Variants in MAN2A1 observed in about 807,000 individuals in gnomAD.
The protein encoded by MAN2A1 is alpha-mannosidase 2.
In MAN2A1, 76 loss-of-function variants were observed where a neutral mutation model predicts 142.6. The ratio of observed to expected loss-of-function variants is 0.53; its 90% CI spans 0.44 to 0.65. MAN2A1 has a LOEUF of 0.65. MAN2A1 is among the 30% of genes least tolerant of loss of function. MAN2A1 has a pLI of 0.00. For synonymous variants in MAN2A1, 559 were observed against 473.2 expected, an observed-to-expected ratio of 1.18 and a Z score of -2.35; for missense variants, 1,311 against 1,365.1, an observed-to-expected ratio of 0.96 and a Z score of 0.62.
At chr5:109,785,890 G>A (rs758626391) in intron 10 of MAN2A1, among the ~76,000 whole-genome samples, 12 of 152,010 alleles carry the variant, frequency 7.9e-5, no homozygotes, top group Non-Finnish European at 1.5e-4. Context: ...AATATCCTTA[G>A]TACTACTCCT....
chr5:109,795,159 T>C (rs1328271547), intron 12 of MAN2A1, among the ~76,000 whole-genome samples: 1 of 152,132 alleles, frequency 6.6e-6, no homozygotes, highest in Non-Finnish European at 1.5e-5. Context: ...AAAATAATCT[T>C]ATTTGGTGTT....
chr5:109,844,782 A>G (rs992329120), intron 17 of MAN2A1, among the ~76,000 whole-genome samples: 14 of 152,156 alleles, frequency 9.2e-5, no homozygotes, highest in African/African-American at 3.4e-4. Flanking sequence ...TGCCTCTTGT[A>G]TCTGTCTGTC....
At chr5:109,783,588 T>G (rs1753516822) in intron 9 of MAN2A1, among the ~76,000 whole-genome samples, 1 of 152,164 alleles carries the variant, frequency 6.6e-6, no homozygotes, top group Admixed American at 6.5e-5. Context: ...GAGAAATGCA[T>G]CATTTTACAA....
At chr5:109,734,488 G>A (rs1240059173) in intron 4 of MAN2A1, among the ~76,000 whole-genome samples, 2 of 152,110 alleles carry the variant, frequency 1.3e-5, no homozygotes, top group African/African-American at 4.8e-5. Flanking sequence ...GATCTTTCCT[G>A]CTGTCTCTTG....
At chr5:109,856,208 A>G (rs1228320554) in intron 20 of MAN2A1, among the ~76,000 whole-genome samples, 1 of 152,192 alleles carries the variant, frequency 6.6e-6, no homozygotes, top group Non-Finnish European at 1.5e-5. Context: ...TTTAGTTGAG[A>G]CAATTTTGAA....
intron 4 of MAN2A1, among the ~76,000 whole-genome samples, chr5:109,730,493 G>T (rs1201816846): frequency 6.6e-6 from 1 of 151,526 alleles, no homozygotes; most frequent in Non-Finnish European, 1.5e-5. Flanking sequence ...CAATCTAGAG[G>T]TCAAATAAAT....
In MAN2A1 at chr5:109,847,691, G is replaced by A. The variant is rs1159495762; in HGVS notation, c.2877G>A (p.Met959Ile). The A allele has an allele frequency of 6.3e-7, 1 of 1,594,814 alleles. No homozygotes were observed. Among genetic ancestry groups the A allele is most frequent in the South Asian group, 1.1e-5 (1 of 87,752 alleles). Residue 959 changes from methionine to isoleucine, a missense_variant, in exon 19 of 22, where the codon ATG becomes ATA. Transcript: ENST00000261483. ...AAGTTATCATGGATCGAAGACTCAT[G>A]CAAGATGATAATCGTGGCCTTGAGC... ...QIEVIMDRRLMQDDNRGLEQG... is the reference protein window; with the variant it reads ...QIEVIMDRRLIQDDNRGLEQG...
chr5:109,736,270 A>G (rs980984722), intron 4 of MAN2A1, among the ~76,000 whole-genome samples: 1 of 152,222 alleles, frequency 6.6e-6, no homozygotes, highest in East Asian at 1.9e-4. Context: ...TAGATACACT[A>G]GTTTGCAACC....
chr5:109,831,122 T>G (rs1754895172), intron 16 of MAN2A1, among the ~76,000 whole-genome samples: 1 of 152,230 alleles, frequency 6.6e-6, no homozygotes, highest in Non-Finnish European at 1.5e-5. Context: ...TTAGCAGCTG[T>G]TTGACCTTGC....
chr5:109,862,351 A>T (rs1300628797), intron 20 of MAN2A1: 1 of 152,136 alleles, frequency 6.6e-6, no homozygotes, highest in Admixed American at 6.5e-5. Context: ...CTATGAGCTG[A>T]ATGTTGGTTT....
chr5:109,854,550 G>C (rs1310315321), intron 19 of MAN2A1: 3 of 152,106 alleles, frequency 2.0e-5, no homozygotes, highest in Middle Eastern at 3.2e-3. Flanking sequence ...AGATGATCTA[G>C]GCATGCCGCC....
At chr5:109,726,231 C>T (rs1751740828) in intron 3 of MAN2A1, among the ~76,000 whole-genome samples, 1 of 152,246 alleles carries the variant, frequency 6.6e-6, no homozygotes, top group East Asian at 1.9e-4. Flanking sequence ...CATGAAAATT[C>T]ATCCCCTACC....
chr5:109,708,767 G>A (rs111402477), intron 1 of MAN2A1, among the ~76,000 whole-genome samples: 2,800 of 152,272 alleles, frequency 0.018, 33 homozygotes, highest in Middle Eastern at 0.071. Flanking sequence ...GGAGTCTAAA[G>A]GCTGGAGAAC....
chr5:109,840,533 G>T, intron 16 of MAN2A1: 1 of 506,866 alleles, frequency 2.0e-6, no homozygotes, highest in Non-Finnish European at 3.9e-6. Context: ...CTTTTCCTTG[G>T]ACATGGCAGA....
intron 3 of MAN2A1, among the ~76,000 whole-genome samples, chr5:109,725,735 G>T (rs146863720): frequency 6.6e-6 from 1 of 152,262 alleles, no homozygotes; most frequent in African/African-American, 2.4e-5. Flanking sequence ...AAAACTAAAT[G>T]TTCCTGAAGA....
chr5:109,717,130 ACTTTT>A (rs1362121860), intron 3 of MAN2A1, among the ~76,000 whole-genome samples: 1 of 151,654 alleles, frequency 6.6e-6, no homozygotes, highest in Non-Finnish European at 1.5e-5. Flanking sequence ...GGAGTGTGTT[ACTTTT>A]CTTAATATCT....
rs539780111 is a variant in MAN2A1, at chr5:109,690,222, C to A, written c.-196C>A. The A allele has an allele frequency of 1.6e-4, 92 of 586,484 alleles. No individual in the cohort carries two copies. Among genetic ancestry groups the A allele is most frequent in the South Asian group, 1.5e-3 (76 of 49,808 alleles). The allele number at this position is 586,484 out of a possible 1,614,324, so 36.3% of individuals were successfully genotyped here. The stretch of plus-strand genomic sequence containing the variant: ...CCCGACCCCGGGGAGGGCGGCAGGC[C>A]AGGGCGAAGGCCAAGGGCGTGTGGT... On this transcript the variant is annotated 5_prime_UTR_variant, in exon 1 of 22. Transcript: ENST00000261483.
chr5:109,828,440 A>T (rs1221753043), intron 16 of MAN2A1, among the ~76,000 whole-genome samples: 3 of 152,228 alleles, frequency 2.0e-5, no homozygotes, highest in Non-Finnish European at 4.4e-5. Context: ...TGCACCTACA[A>T]GGAAAGTACA....
At chr5:109,846,035 C>A in intron 18 of MAN2A1, 29 bp downstream of exon 18, 1 of 1,568,520 alleles carries the variant, frequency 6.4e-7, no homozygotes, top group Non-Finnish European at 8.6e-7. Context: ...CTTTTCCACT[C>A]TGAAAGGTTT....
Sources: allele counts gnomAD v4.1 joint callset (sites outside exome capture counted in the v4.1 genomes callset), GRCh38; gene constraint gnomAD v4.1.1; transcripts MANE v1.5; gene names NCBI Gene and HGNC (gene_info 2026-07-23, HGNC 2026-07-21).